Variants in GRM8 observed in about 807,000 individuals in gnomAD.
GRM8 encodes glutamate metabotropic receptor 8, also known as metabotropic glutamate receptor 8.
In GRM8, 47 loss-of-function variants were observed where a neutral mutation model predicts 87.2. The observed-to-expected ratio is 0.54, with a 90% CI of 0.43 to 0.69. The LOEUF is 0.69. GRM8 is among the 30% of genes least tolerant of loss of function. The pLI is 0.00. For synonymous variants in GRM8, 396 were observed against 404.5 expected, an observed-to-expected ratio of 0.98 and a Z score of 0.25; for missense variants, 1,019 against 1,139.2, an observed-to-expected ratio of 0.89 and a Z score of 1.52.
chr7:126,546,885 G>A (rs1022482041), intron 8 of GRM8, among the ~76,000 whole-genome samples: 3 of 152,306 alleles, frequency 2.0e-5, no homozygotes, highest in Admixed American at 6.5e-5. Flanking sequence ...TTGCTACAAA[G>A]TAAATCAAGG....
chr7:126,743,670 T>C lies in GRM8; in HGVS notation c.1357+26195A>G, dbSNP rs138998581. 3.5e-3 allele frequency among the ~76,000 whole-genome samples: 537 copies of C among 152,246 alleles called. 5 individuals carry two copies. Among genetic ancestry groups the C allele is most frequent in the African/African-American group, 0.012 (517 of 41,560 alleles). On this transcript the variant is annotated intron_variant, in intron 7 of 10. Coordinates refer to ENST00000339582, the MANE Select transcript of GRM8 (RefSeq NM_000845.3). ...ATCAAAGTAATATTTGAGTTGCTTC[T>C]CTAACAGTATACGTTGTTTACATGT...
chr7:126,489,477 T>A (rs896390753), intron 9 of GRM8, among the ~76,000 whole-genome samples: 2 of 152,096 alleles, frequency 1.3e-5, no homozygotes, highest in Admixed American at 6.6e-5. Context: ...GTGCACAGAT[T>A]TCATATATAA....
At chr7:126,608,073 G>T (rs2237747) in intron 8 of GRM8, among the ~76,000 whole-genome samples, 46,761 of 151,494 alleles carry the variant, frequency 0.31, 8,079 homozygotes, top group East Asian at 0.44. Context: ...TGGGGCAAAG[G>T]GCTGTTAAAA....
intron 3 of GRM8, among the ~76,000 whole-genome samples, chr7:127,015,400 A>C (rs1413386540): frequency 2.0e-5 from 3 of 152,112 alleles, no homozygotes; most frequent in African/African-American, 7.2e-5. Flanking sequence ...TGATATGCTG[A>C]TAGGATGGAG....
chr7:127,244,223 G>A (rs186771280), intron 1 of GRM8, among the ~76,000 whole-genome samples: 5 of 152,232 alleles, frequency 3.3e-5, no homozygotes, highest in East Asian at 1.9e-4. Flanking sequence ...TTAATTTGTC[G>A]GTGTGGGAGC....
intron 6 of GRM8, among the ~76,000 whole-genome samples, chr7:126,891,981 AC>A (rs1208849433): frequency 6.6e-6 from 1 of 150,780 alleles, no homozygotes; most frequent in Non-Finnish European, 1.5e-5. Flanking sequence ...TGTGAATGAA[AC>A]AAAATCTCTT....
chr7:126,622,990 T>G (rs1029618471), intron 7 of GRM8, among the ~76,000 whole-genome samples: 9 of 152,336 alleles, frequency 5.9e-5, no homozygotes, highest in African/African-American at 2.2e-4. Flanking sequence ...CAATGCTTGA[T>G]TCTTACATAT....
At chr7:126,545,904 C>T in intron 8 of GRM8, among the ~76,000 whole-genome samples, 1 of 152,168 alleles carries the variant, frequency 6.6e-6, no homozygotes, top group East Asian at 1.9e-4. Flanking sequence ...TTAAATTATT[C>T]TGTGATATTT....
At chr7:127,078,887 A>G (rs1481698677) in intron 3 of GRM8, among the ~76,000 whole-genome samples, 5 of 152,258 alleles carry the variant, frequency 3.3e-5, no homozygotes, top group Admixed American at 3.3e-4. Context: ...AATTTCAAAT[A>G]GTAACTTCTA....
At chr7:126,961,759 A>G (rs1809347865) in intron 3 of GRM8, among the ~76,000 whole-genome samples, 1 of 152,190 alleles carries the variant, frequency 6.6e-6, no homozygotes, top group Non-Finnish European at 1.5e-5. Flanking sequence ...GTGGGAGGAG[A>G]GAGAGAAGTG....
intron 7 of GRM8, among the ~76,000 whole-genome samples, chr7:126,643,163 G>A (rs1458080545): frequency 6.6e-6 from 1 of 151,072 alleles, no homozygotes; most frequent in African/African-American, 2.4e-5. Flanking sequence ...GGTGAAGCAT[G>A]CCTGTGGTCC....
At chr7:126,651,223 TG>T (rs1178731570) in intron 7 of GRM8, among the ~76,000 whole-genome samples, 1 of 152,206 alleles carries the variant, frequency 6.6e-6, no homozygotes, top group Non-Finnish European at 1.5e-5. Context: ...GCACTCACTT[TG>T]TGGCCAAAGA....
At chr7:126,654,739 C>T (rs376169179) in intron 7 of GRM8, among the ~76,000 whole-genome samples, 1 of 152,136 alleles carries the variant, frequency 6.6e-6, no homozygotes, top group Non-Finnish European at 1.5e-5. Context: ...CACCATCTCC[C>T]AGGCACAATT....
chr7:127,160,602 C>T (rs1793045766), intron 2 of GRM8, among the ~76,000 whole-genome samples: 1 of 152,020 alleles, frequency 6.6e-6, no homozygotes, highest in African/African-American at 2.4e-5. Context: ...ACCCTCACAT[C>T]AATAATGGAT....
intron 8 of GRM8, among the ~76,000 whole-genome samples, chr7:126,565,589 C>A (rs12538632): frequency 0.2 from 29,684 of 151,814 alleles, 3,434 homozygotes; most frequent in East Asian, 0.31. Context: ...GATTAGAAGG[C>A]TTAATATTGT....
At chr7:126,536,866 C>A (rs571111740) in intron 8 of GRM8, among the ~76,000 whole-genome samples, 1 of 151,486 alleles carries the variant, frequency 6.6e-6, no homozygotes, top group African/African-American at 2.4e-5. Context: ...AAATGAAAAA[C>A]AGCAAAAAAA....
intron 3 of GRM8, 109 bp from the exon 4 acceptor site, chr7:126,904,792 C>T: frequency 1.0e-6 from 1 of 952,974 alleles, no homozygotes; most frequent in Non-Finnish European, 1.6e-6. Context: ...TATTATTTCT[C>T]AAAATATGTG....
At chr7:126,583,654 C>T (rs62477862) in intron 8 of GRM8, among the ~76,000 whole-genome samples, 19,545 of 152,076 alleles carry the variant, frequency 0.13, 1,563 homozygotes, top group South Asian at 0.17. Context: ...GATAGAAATA[C>T]CAAGAGAACT....
At chr7:126,655,408 C>A (rs1178125640) in intron 7 of GRM8, among the ~76,000 whole-genome samples, 1 of 152,176 alleles carries the variant, frequency 6.6e-6, no homozygotes, top group African/African-American at 2.4e-5. Context: ...TAAATCTCAT[C>A]TCGAATTATC....
Sources: allele counts gnomAD v4.1 joint callset (sites outside exome capture counted in the v4.1 genomes callset), GRCh38; gene constraint gnomAD v4.1.1; transcripts MANE v1.5; gene names NCBI Gene and HGNC (gene_info 2026-07-23, HGNC 2026-07-21).